AGBL1: variants seen among roughly 807,000 people sequenced by gnomAD.
AGBL1 encodes the protein cytosolic carboxypeptidase 4.
AGBL1 carries 130 observed loss-of-function variants against 118.9 expected under a neutral mutation model. The observed-to-expected ratio is 1.09, with a 90% CI of 0.95 to 1.26. AGBL1 has a LOEUF of 1.26. Ranked by LOEUF, AGBL1 falls within the 50% of genes most tolerant of loss-of-function variation. The probability of loss-of-function intolerance (pLI) is 0.00; values close to 1 mark genes in which losing one functional copy is unlikely to be tolerated. For synonymous variants in AGBL1, 555 were observed against 478.9 expected (o/e 1.16, Z -2.08); for missense variants, 1,584 against 1,298.1 (o/e 1.22, Z -3.38).
chr15:86,446,054 T>C (rs1596124884), intron 18 of AGBL1, among the ~76,000 whole-genome samples: 1 of 150,890 alleles, frequency 6.6e-6, no homozygotes, highest in East Asian at 2.0e-4. Flanking sequence ...GGCTGAGAGG[T>C]GGGTAAATGG....
chr15:86,530,220 C>G (rs150175871), intron 19 of AGBL1, among the ~76,000 whole-genome samples: 4,185 of 137,726 alleles, frequency 0.03, 98 homozygotes, highest in East Asian at 0.075. Context: ...ACCCATCTCA[C>G]GTGCAGAGAC....
chr15:86,092,206 C>T (rs1896077028), intron 1 of AGBL1, among the ~76,000 whole-genome samples: 2 of 152,292 alleles, frequency 1.3e-5, no homozygotes, highest in South Asian at 4.1e-4. Flanking sequence ...TAAGCATACA[C>T]ATGCACTTAA....
intron 21 of AGBL1, among the ~76,000 whole-genome samples, chr15:86,668,427 A>G (rs2085684629): frequency 6.6e-6 from 1 of 152,144 alleles, no homozygotes; most frequent in African/African-American, 2.4e-5. Context: ...AGTTTCACCA[A>G]TGCAATATAC....
At chr15:86,814,794 G>A (rs1367460094) in intron 22 of AGBL1, among the ~76,000 whole-genome samples, 3 of 152,164 alleles carry the variant, frequency 2.0e-5, no homozygotes, top group African/African-American at 7.2e-5. Context: ...TCTTAAACAA[G>A]TTAATTCTTT....
At chr15:86,368,608 G>A (rs986464293) in intron 17 of AGBL1, among the ~76,000 whole-genome samples, 3 of 152,142 alleles carry the variant, frequency 2.0e-5, no homozygotes, top group Non-Finnish European at 4.4e-5. Flanking sequence ...CACAGTTAAA[G>A]AAGGAATTAA....
rs542606425 is a variant in AGBL1 at position 86,549,364 on chromosome 15, A to G, written c.2817+3231A>G. Among the ~76,000 whole-genome samples, 22 of 152,272 alleles carry G rather than the reference A, an allele frequency of 1.4e-4. No homozygotes were observed. The South Asian group carries it at 3.7e-3, about 26-fold the overall frequency. On this transcript the variant is annotated intron_variant, in intron 20 of 22. Transcript: ENST00000614907. Reference sequence around the variant, plus strand: ...GATATTTGAGCACTACATTTGCCCAAATTATTGTATAACCACTAGGCCAAG... The same window carrying G: ...GATATTTGAGCACTACATTTGCCCAGATTATTGTATAACCACTAGGCCAAG...
intron 22 of AGBL1, among the ~76,000 whole-genome samples, chr15:86,779,931 A>ACG (rs989279360): frequency 2.8e-4 from 30 of 108,254 alleles, no homozygotes; most frequent in Non-Finnish European, 4.6e-4. Flanking sequence ...ACACACACAC[A>ACG]CACACACACA....
intron 23 of AGBL1, among the ~76,000 whole-genome samples, chr15:86,954,768 A>T (rs575908931): frequency 1.3e-5 from 2 of 152,296 alleles, no homozygotes; most frequent in African/African-American, 4.8e-5. Flanking sequence ...CCATGTAACA[A>T]TCATGCCCAT....
At position 86,350,254 on chromosome 15, in the gene AGBL1, G is replaced by A. The variant is rs541068922; in HGVS notation, c.2375-47112G>A. ...ATTGCTATTCTCAATTTGGAAATAT[G>A]AGGGAGGTGAAACTCACAAAAAGAA... On this transcript the variant is annotated intron_variant, in intron 17 of 22. Transcript: ENST00000614907. Among the ~76,000 whole-genome samples, 6 of 152,344 alleles carry A rather than the reference G, an allele frequency of 3.9e-5. No individual in the cohort carries two copies. The South Asian group carries it at 1.2e-3, about 32-fold the overall frequency.
rs375069621 is a variant in AGBL1, at chr15:86,099,652, G to A, written c.51+19629G>A. ...CCTCCCAGGTTCAAGCGATTCTCCT[G>A]CCTCAGCATCCCACATGAGGCTAAT... On this transcript the variant is annotated intron_variant, in intron 1 of 22. Coordinates refer to ENST00000614907, the MANE Select transcript of AGBL1 (RefSeq NM_001386094.1). Among the ~76,000 whole-genome samples, 96 of 151,290 alleles carry A rather than the reference G, an allele frequency of 6.3e-4. 2 individuals are homozygous for A. In the South Asian group the frequency reaches 0.02, roughly 31 times the overall value.
intron 17 of AGBL1, among the ~76,000 whole-genome samples, chr15:86,360,183 T>C (rs979748187): frequency 1.8e-4 from 28 of 152,032 alleles, no homozygotes; most frequent in African/African-American, 6.8e-4. Context: ...GCATTTAATA[T>C]ATGGCTTTAG....
At chr15:86,610,178 G>C (rs2084637885) in intron 21 of AGBL1, among the ~76,000 whole-genome samples, 1 of 152,182 alleles carries the variant, frequency 6.6e-6, no homozygotes, top group Admixed American at 6.5e-5. Context: ...ATGGAAGATA[G>C]TCATTTCGTC....
intron 23 of AGBL1, among the ~76,000 whole-genome samples, chr15:86,949,882 A>G (rs2080861195): frequency 6.6e-6 from 1 of 152,094 alleles, no homozygotes; most frequent in Non-Finnish European, 1.5e-5. Flanking sequence ...GACACTTATC[A>G]TTAATAATTA....
At chr15:86,372,097 A>T (rs1257687686) in intron 17 of AGBL1, among the ~76,000 whole-genome samples, 3 of 152,236 alleles carry the variant, frequency 2.0e-5, no homozygotes, top group Non-Finnish European at 4.4e-5. Flanking sequence ...GCCTGGGGCC[A>T]GGCAGAGATG....
At chr15:86,307,642 C>T (rs1475021245) in intron 17 of AGBL1, among the ~76,000 whole-genome samples, 1 of 151,876 alleles carries the variant, frequency 6.6e-6, no homozygotes, top group Non-Finnish European at 1.5e-5. Context: ...TGGCGTGTGC[C>T]TGTAGTCCCA....
At chr15:86,080,744 A>C (rs961766265) in intron 1 of AGBL1, among the ~76,000 whole-genome samples, 1 of 152,192 alleles carries the variant, frequency 6.6e-6, no homozygotes, top group Non-Finnish European at 1.5e-5. Flanking sequence ...CTAGGGATCA[A>C]TCCGAGCGTT....
chr15:86,143,462 A>G (rs915862148), intron 2 of AGBL1, among the ~76,000 whole-genome samples: 7 of 152,240 alleles, frequency 4.6e-5, no homozygotes, highest in African/African-American at 1.7e-4. Flanking sequence ...TATTTATTAC[A>G]GCTGTTGCAG....
chr15:87,006,800 C>G (rs2081509552), intron 24 of AGBL1, among the ~76,000 whole-genome samples: 1 of 152,144 alleles, frequency 6.6e-6, no homozygotes, highest in African/African-American at 2.4e-5. Context: ...GGAGCTGTTG[C>G]TATTCAGCCA....
intron 5 of AGBL1, among the ~76,000 whole-genome samples, chr15:86,195,478 A>G (rs2077787326): frequency 1.3e-5 from 2 of 152,186 alleles, no homozygotes; most frequent in Admixed American, 6.5e-5. Context: ...AATCAGATTC[A>G]GGGAATAAAA....
Sources: allele counts gnomAD v4.1 joint callset (sites outside exome capture counted in the v4.1 genomes callset), GRCh38; gene constraint gnomAD v4.1.1; transcripts MANE v1.5; gene names NCBI Gene and HGNC (gene_info 2026-07-23, HGNC 2026-07-21).